CEP89: variants seen among roughly 807,000 people sequenced by gnomAD.
CEP89 encodes the protein centrosomal protein of 89 kDa.
A neutral mutation model predicts 97.6 loss-of-function variants in CEP89; 95 were observed. The ratio of observed to expected loss-of-function variants is 0.97; its 90% CI spans 0.82 to 1.15. The LOEUF (loss-of-function observed/expected upper bound fraction) is 1.15, where lower values mean the gene tolerates loss of function less well. Ranked by LOEUF, CEP89 falls within the 50% of genes most tolerant of loss-of-function variation. The pLI, the probability that CEP89 is intolerant of heterozygous loss-of-function variation, is 0.00. For synonymous variants in CEP89, 354 were observed against 349.1 expected (o/e 1.01, Z -0.16); for missense variants, 869 against 947.7 (o/e 0.92, Z 1.09).
chr19:32,932,725 G>A (rs547687422), intron 8 of CEP89, among the ~76,000 whole-genome samples: 5 of 151,848 alleles, frequency 3.3e-5, no homozygotes, highest in East Asian at 1.9e-4. Flanking sequence ...AAATCCTTGA[G>A]GCCAGGAGTT....
At chr19:32,894,222 C>G (rs1228242642) in intron 16 of CEP89, among the ~76,000 whole-genome samples, 3 of 152,082 alleles carry the variant, frequency 2.0e-5, no homozygotes, top group Admixed American at 6.5e-5. Flanking sequence ...CCTACAGAGG[C>G]AGGATAAGTA....
chr19:32,911,559 G>A (rs950117795), intron 14 of CEP89, among the ~76,000 whole-genome samples: 1 of 152,180 alleles, frequency 6.6e-6, no homozygotes, highest in African/African-American at 2.4e-5. Context: ...AGGCTGAAGC[G>A]GAGGATAGCT....
chr19:32,879,789 C>T (rs1218104778), intron 18 of CEP89, among the ~76,000 whole-genome samples: 1 of 152,220 alleles, frequency 6.6e-6, no homozygotes, highest in Non-Finnish European at 1.5e-5. Flanking sequence ...AGCACGATGG[C>T]CTGGCCACAG....
chr19:32,954,372 G>GT (rs34557901), intron 3 of CEP89, among the ~76,000 whole-genome samples: 55,399 of 146,912 alleles, frequency 0.38, 10,403 homozygotes, highest in Admixed American at 0.49. Context: ...TTGTTTTTTT[G>GT]TTTTTTTTTT....
rs901393182 is a variant in CEP89, at chr19:32,877,068, C to T, written c.*2094G>A. The T allele has an allele frequency of 2.6e-5, 4 of 151,878 alleles. No homozygotes were observed. The highest frequency in any genetic ancestry group is 4.4e-5 in the Non-Finnish European group (3 of 67,990). 9.4% of individuals were successfully genotyped at this position (151,878 alleles called of 1,614,324 possible). A position where few individuals can be genotyped will look rare whatever the true frequency, so the allele number is the denominator to read the frequency against. On this transcript the variant is annotated 3_prime_UTR_variant, in exon 19 of 19. Coordinates refer to ENST00000305768, the MANE Select transcript of CEP89 (RefSeq NM_032816.5). ...TGTCTACAGGAGGCTGCAGAGCGGC[C>T]GTAAATGCCTTTGAAATAGCATCAC...
chr19:32,937,242 C>G (rs1403465982), intron 7 of CEP89: 2 of 273,544 alleles, frequency 7.3e-6, no homozygotes. Flanking sequence ...AGAGCAGAGC[C>G]CATAACTGCA....
In CEP89 at chr19:32,953,630, C is replaced by A. The variant is rs764661499; in HGVS notation, c.477G>T (p.Val159=). ...TAGAAAACACCTGATTTCTGTGTGG[C>A]ACAGCGTACAGGTCATCACTGTGGC... ...RGGHSDDLYA[V]PHRNQVPLLH... The change falls in exon 4 of 19, where the codon GTG becomes GTT. Residue 159 remains valine (V), a synonymous_variant. Coordinates refer to ENST00000305768, the MANE Select transcript of CEP89 (RefSeq NM_032816.5). 1.2e-6 allele frequency: 2 copies of A among 1,607,514 alleles called. No homozygotes were observed. The highest frequency in any genetic ancestry group is 2.7e-5 in the African/African-American group (2 of 74,772).
chr19:32,882,495 G>A (rs1049796324), intron 17 of CEP89, among the ~76,000 whole-genome samples: 19 of 151,544 alleles, frequency 1.3e-4, no homozygotes, highest in African/African-American at 3.4e-4. Context: ...CCTAGGAGGC[G>A]GAGGCTGCAG....
At position 32,881,930 on chromosome 19, in the gene CEP89, T is replaced by C. The variant is rs374205978; in HGVS notation, c.2049A>G (p.Thr683=). Residue 683 remains threonine, a synonymous_variant, in exon 18 of 19, where the codon ACA becomes ACG. Transcript: ENST00000305768. ...LEQQEDFAGK[T]AQYRQEMRHL... is the part of the protein sequence containing the mutation. ...GCCGCATCTCCTGCCGGTACTGGGC[T>C]GTCTTGCCGGCGAAGTCCTCCTGCT... 1.4e-5 allele frequency: 23 copies of C among 1,603,266 alleles called. No individual in the cohort carries two copies. In the African/African-American group the frequency reaches 3.1e-4, roughly 21 times the overall value.
At chr19:32,883,166 A>C (rs1459912341) in intron 17 of CEP89, among the ~76,000 whole-genome samples, 1 of 150,850 alleles carries the variant, frequency 6.6e-6, no homozygotes, top group Non-Finnish European at 1.5e-5. Context: ...CCGGCCGAGC[A>C]TTTCTAAAAT....
At chr19:32,930,727 T>C (rs1378528634) in intron 9 of CEP89, among the ~76,000 whole-genome samples, 2 of 152,216 alleles carry the variant, frequency 1.3e-5, no homozygotes, top group African/African-American at 4.8e-5. Context: ...TGCAGTGACC[T>C]GCTCAGTGAG....
At chr19:32,934,756 G>C (rs374452597) in intron 7 of CEP89, among the ~76,000 whole-genome samples, 4 of 152,130 alleles carry the variant, frequency 2.6e-5, no homozygotes. Context: ...CTAGAAAATG[G>C]GGAGGGGTGG....
intron 2 of CEP89, among the ~76,000 whole-genome samples, chr19:32,960,260 C>T (rs1971139505): frequency 3.3e-5 from 5 of 152,170 alleles, no homozygotes; most frequent in Admixed American, 3.3e-4. Context: ...TTATTGTCAT[C>T]CCATTTTCCA....
intron 4 of CEP89, among the ~76,000 whole-genome samples, chr19:32,952,736 T>A (rs1599772136): frequency 6.6e-6 from 1 of 150,752 alleles, no homozygotes; most frequent in Admixed American, 6.6e-5. Context: ...AAACCCTGTC[T>A]CTACAAAAAG....
At chr19:32,939,925 G>T in intron 5 of CEP89, 40 bp from the exon 6 acceptor site, 1 of 974,416 alleles carries the variant, frequency 1.0e-6, no homozygotes, top group Non-Finnish European at 1.6e-6. Flanking sequence ...TTTTAAAGTA[G>T]ATAATGAAAT....
intron 14 of CEP89, among the ~76,000 whole-genome samples, chr19:32,908,121 A>C (rs895846203): frequency 1.3e-5 from 2 of 152,210 alleles, no homozygotes; most frequent in Admixed American, 6.5e-5. Context: ...TGACGAAATC[A>C]CTTAATGATG....
chr19:32,939,077 T>A (rs11669733), intron 6 of CEP89, among the ~76,000 whole-genome samples: 22,000 of 151,090 alleles, frequency 0.15, 1,959 homozygotes, highest in Non-Finnish European at 0.21. Flanking sequence ...CAAGACCCCA[T>A]CTCTAAAAAA....
At chr19:32,885,651 G>A (rs1282356999) in intron 17 of CEP89, among the ~76,000 whole-genome samples, 1 of 152,124 alleles carries the variant, frequency 6.6e-6, no homozygotes. Context: ...CGTATGTCTT[G>A]GTGTCAATTT....
At chr19:32,884,858 CAG>C (rs1969360371) in intron 17 of CEP89, among the ~76,000 whole-genome samples, 1 of 150,446 alleles carries the variant, frequency 6.6e-6, no homozygotes, top group African/African-American at 2.5e-5. Context: ...CCACTCTGCC[CAG>C]CTCTAATTCC....
Sources: gnomAD v4.1 joint callset for allele counts (sites outside exome capture counted in the v4.1 genomes callset) on GRCh38, gnomAD v4.1.1 for gene constraint, MANE v1.5 for transcripts, NCBI Gene and HGNC (gene_info 2026-07-23, HGNC 2026-07-21) for gene names.